The following ARHGAP28 variants were observed in gnomAD, a reference collection of about 807,000 sequenced individuals.
The protein encoded by ARHGAP28 is Rho GTPase activating protein 28.
ARHGAP28 carries 56 observed loss-of-function variants against 90.7 expected under a neutral mutation model. That is an observed-to-expected ratio of 0.62 (90% CI 0.50 to 0.77). The LOEUF (loss-of-function observed/expected upper bound fraction) is 0.77, where lower values mean the gene tolerates loss of function less well. Ranked by LOEUF, ARHGAP28 falls within the 30% of genes least tolerant of loss-of-function variation. ARHGAP28 has a pLI of 0.00. For missense variants in ARHGAP28, 869 were observed against 900.9 expected (o/e 0.96, Z 0.45); for synonymous variants, 308 against 323.3 (o/e 0.95, Z 0.51).
chr18:6,841,163 CT>C (rs2056810307), intron 3 of ARHGAP28, among the ~76,000 whole-genome samples: 2 of 95,518 alleles, frequency 2.1e-5, no homozygotes, highest in Non-Finnish European at 4.6e-5. Context: ...CTCTTTCTCT[CT>C]CTCCTCTCTC....
intron 1 of ARHGAP28, among the ~76,000 whole-genome samples, chr18:6,822,631 A>G (rs1258554025): frequency 6.6e-6 from 1 of 152,216 alleles, no homozygotes; most frequent in Non-Finnish European, 1.5e-5. Flanking sequence ...TTCTTATCAC[A>G]CAACACATAA....
chr18:6,883,793 G>C (rs940993545), intron 11 of ARHGAP28, among the ~76,000 whole-genome samples: 4 of 151,966 alleles, frequency 2.6e-5, no homozygotes, highest in African/African-American at 9.7e-5. Context: ...TGTAGGCAAG[G>C]CAGTCATTTT....
intron 2 of ARHGAP28, among the ~76,000 whole-genome samples, chr18:6,827,152 T>C (rs946907145): frequency 3.9e-4 from 59 of 152,214 alleles, no homozygotes; most frequent in Non-Finnish European, 1.3e-4. Context: ...CCGCTTTCTA[T>C]TCCACAAAAC....
rs556732680 is a variant in ARHGAP28 at position 6,869,304 on chromosome 18, A to G, written c.811+1070A>G. Among the ~76,000 whole-genome samples the G allele has an allele frequency of 1.2e-4, 15 of 124,664 alleles. No homozygotes were observed. The East Asian group carries it at 3.4e-3, about 28-fold the overall frequency. 81.8% of individuals were successfully genotyped at this position (124,664 alleles called of 152,430 possible). On this transcript the variant is annotated intron_variant, in intron 6 of 17. Coordinates refer to ENST00000383472, the MANE Select transcript of ARHGAP28 (RefSeq NM_001366230.1). ...AGATGGAGTTTCGCTCTTGTCACTC[A>G]GGCTGGAGTGCAGTAGCACGATCTC...
chr18:6,797,734 T>C (rs1388761097), intron 1 of ARHGAP28, among the ~76,000 whole-genome samples: 2 of 150,876 alleles, frequency 1.3e-5, no homozygotes, highest in Admixed American at 6.6e-5. Flanking sequence ...CGATCTCGCC[T>C]CACTGCAAAC....
chr18:6,908,254 C>G (rs1011122561), intron 16 of ARHGAP28, among the ~76,000 whole-genome samples: 3 of 152,118 alleles, frequency 2.0e-5, no homozygotes, highest in Non-Finnish European at 4.4e-5. Flanking sequence ...TCTCCTGCCT[C>G]GGCCTCCTGG....
chr18:6,820,751 A>G (rs2056621534), intron 1 of ARHGAP28, among the ~76,000 whole-genome samples: 1 of 152,256 alleles, frequency 6.6e-6, no homozygotes, highest in Non-Finnish European at 1.5e-5. Context: ...GGATTTAAAC[A>G]AAAACTGTCA....
rs765187445 is a variant in ARHGAP28 at position 6,837,220 on chromosome 18, C to T, written c.349C>T (p.Leu117=). The T allele has an allele frequency of 1.2e-5, 19 of 1,559,714 alleles. No homozygotes were observed. The highest frequency in any genetic ancestry group is 1.6e-5 in the Non-Finnish European group (18 of 1,155,442). The part of the protein sequence containing the change: ...VDEGELEAEW[L]QDVGLSTLIS... ...AGAAGGAGAACTTGAAGCAGAATGG[C>T]TGCAAGATGTGGGTTTATCAACTCT... Residue 117 remains leucine, a synonymous_variant, in exon 3 of 18, where the codon CTG becomes TTG. Transcript: ENST00000383472.
chr18:6,841,210 T>TCTCTCTCTCCTCTCTCTCTCTCTC (rs1567966906), intron 3 of ARHGAP28, among the ~76,000 whole-genome samples: 8 of 94,372 alleles, frequency 8.5e-5, no homozygotes, highest in African/African-American at 4.1e-4. Context: ...TCTCCTCTCC[T>TCTCTCTCTCCTCTCTCTCTCTCTC]CTCTCTCTCT....
chr18:6,841,156 T>TC (rs1567966327), intron 3 of ARHGAP28, among the ~76,000 whole-genome samples: 55 of 107,050 alleles, frequency 5.1e-4, no homozygotes, highest in Admixed American at 7.8e-4. Flanking sequence ...CTCTCTCCTC[T>TC]TTCTCTCTCT....
At position 6,882,139 on chromosome 18, in the gene ARHGAP28, A is replaced by G. The variant is rs1205413108; in HGVS notation, c.1293A>G (p.Gln431=). 1 of 1,612,452 alleles carries G rather than the reference A, an allele frequency of 6.2e-7. No homozygotes were observed. Among genetic ancestry groups the G allele is most frequent in the African/African-American group, 1.3e-5 (1 of 74,892 alleles). Residue 431 remains glutamine, a splice_region_variant and synonymous_variant, in exon 11 of 18, where the codon CAA becomes CAG. Transcript: ENST00000383472. ...RLSGCTAKVK[Q]YREELDAKFN... ...TGACTGTTTTCCTTGATTTACAGCA[A>G]TACCGTGAAGAACTTGATGCCAAGT...
chr18:6,773,729 C>G (rs1275010905), intron 1 of ARHGAP28, among the ~76,000 whole-genome samples: 1 of 152,062 alleles, frequency 6.6e-6, no homozygotes, highest in African/African-American at 2.4e-5. Context: ...AATAGGAAAA[C>G]TTTTTGCAAT....
At chr18:6,821,869 TATC>T (rs1230317476) in intron 1 of ARHGAP28, among the ~76,000 whole-genome samples, 1 of 152,194 alleles carries the variant, frequency 6.6e-6, no homozygotes, top group Non-Finnish European at 1.5e-5. Flanking sequence ...ATAATTGAAA[TATC>T]ATCATTAGCC....
intron 1 of ARHGAP28, among the ~76,000 whole-genome samples, chr18:6,747,643 T>C (rs2056034059): frequency 6.6e-6 from 1 of 152,148 alleles, no homozygotes; most frequent in South Asian, 2.1e-4. Flanking sequence ...AAGCAAAAAA[T>C]TCTTTTAGTG....
At chr18:6,775,027 T>C (rs950385627) in intron 1 of ARHGAP28, among the ~76,000 whole-genome samples, 1 of 152,214 alleles carries the variant, frequency 6.6e-6, no homozygotes, top group African/African-American at 2.4e-5. Flanking sequence ...AGGCTCTTCT[T>C]CGGGAAACAC....
At chr18:6,760,411 C>G (rs11081267) in intron 1 of ARHGAP28, among the ~76,000 whole-genome samples, 95,576 of 151,912 alleles carry the variant, frequency 0.63, 31,147 homozygotes, top group Middle Eastern at 0.73. Context: ...TCAGAATTCA[C>G]CAAGTACATT....
intron 1 of ARHGAP28, among the ~76,000 whole-genome samples, chr18:6,809,528 T>C (rs1222407012): frequency 1.3e-5 from 2 of 152,002 alleles, no homozygotes; most frequent in Non-Finnish European, 2.9e-5. Context: ...TCATGAAACT[T>C]ACAATCAGGG....
At chr18:6,775,949 C>T (rs562640920) in intron 1 of ARHGAP28, among the ~76,000 whole-genome samples, 1 of 152,036 alleles carries the variant, frequency 6.6e-6, no homozygotes, top group Non-Finnish European at 1.5e-5. Flanking sequence ...AAAATACAAA[C>T]AAAGGACTTC....
chr18:6,892,398 C>T (rs1422827059), intron 14 of ARHGAP28, among the ~76,000 whole-genome samples: 10 of 152,218 alleles, frequency 6.6e-5, no homozygotes, highest in African/African-American at 1.7e-4. Flanking sequence ...GTGATCCGCC[C>T]GCCTCTGCCT....
Sources: allele counts gnomAD v4.1 joint callset (sites outside exome capture counted in the v4.1 genomes callset), GRCh38; gene constraint gnomAD v4.1.1; transcripts MANE v1.5; gene names NCBI Gene and HGNC (gene_info 2026-07-23, HGNC 2026-07-21).